CLCN1: variants seen among roughly 807,000 people sequenced by gnomAD.
CLCN1 encodes chloride voltage-gated channel 1, also known as chloride channel protein 1.
In CLCN1, 100 loss-of-function variants were observed where a neutral mutation model predicts 114.5. The ratio of observed to expected loss-of-function variants is 0.87; its 90% CI spans 0.74 to 1.03. CLCN1 has a LOEUF of 1.03. Among genes scored for constraint, CLCN1 ranks in the 50% least tolerant of loss-of-function variants. The probability of loss-of-function intolerance (pLI) is 0.00; values close to 1 mark genes in which losing one functional copy is unlikely to be tolerated. For synonymous variants in CLCN1, 485 were observed against 487.1 expected (o/e 1.00, Z 0.06); for missense variants, 1,188 against 1,250.0 (o/e 0.95, Z 0.75).
chr7:143,323,365 T>G lies in CLCN1; in HGVS notation c.753T>G (p.Ser251=). 1 of 1,613,498 alleles carries G rather than the reference T, an allele frequency of 6.2e-7. No homozygotes were observed. The highest frequency in any genetic ancestry group is 8.5e-7 in the Non-Finnish European group (1 of 1,179,514). The change falls in exon 6 of 23, where the codon TCT becomes TCG. Residue 251 remains serine, a synonymous_variant. Coordinates refer to ENST00000343257, the MANE Select transcript of CLCN1 (RefSeq NM_000083.3). ...ICAAVLSKFM[S]VFCGVYEQPY... ...CTGCTGTCCTCAGCAAATTCATGTC[T>G]GTGTTCTGCGGGGTATATGAGGTAA...
chr7:143,342,438 A>G lies in CLCN1; in HGVS notation c.1863A>G (p.Thr621=), dbSNP rs369099862. The change falls in exon 16 of 23, where the codon ACA becomes ACG. Residue 621 remains threonine (T), a synonymous_variant. Coordinates refer to ENST00000343257, the MANE Select transcript of CLCN1 (RefSeq NM_000083.3). ...RDVKFVSASY[T]YGELRTLLQT... The stretch of plus-strand genomic sequence containing the variant: ...TGAAGTTTGTTTCAGCTTCTTACAC[A>G]TATGGGGAGTTGCGAACCCTGCTCC... The G allele has an allele frequency of 5.0e-5, 80 of 1,613,992 alleles. No homozygotes were observed. The highest frequency in any genetic ancestry group is 5.7e-5 in the Non-Finnish European group (67 of 1,180,002).
intron 20 of CLCN1, 74 bp downstream of exon 20, chr7:143,347,023 C>T: frequency 1.6e-6 from 2 of 1,266,588 alleles, no homozygotes; most frequent in Non-Finnish European, 2.3e-6. Context: ...TTTCTACCTT[C>T]TTTATTGTGT....
chr7:143,346,989 T>C (rs1346625563), intron 20 of CLCN1, 40 bp downstream of exon 20: 2 of 1,542,928 alleles, frequency 1.3e-6, no homozygotes, highest in Admixed American at 1.7e-5. Flanking sequence ...GATTGTTCTA[T>C]CAAATGAAGA....
chr7:143,349,676 G>T (rs750554205), intron 20 of CLCN1, among the ~76,000 whole-genome samples: 4 of 152,204 alleles, frequency 2.6e-5, no homozygotes, highest in Admixed American at 6.5e-5. Flanking sequence ...ATGAGGTCCA[G>T]TATAGCTCTT....
At chr7:143,328,999 G>A (rs1481119667) in intron 7 of CLCN1, among the ~76,000 whole-genome samples, 1 of 137,314 alleles carries the variant, frequency 7.3e-6, no homozygotes, top group Non-Finnish European at 1.5e-5. Context: ...ATGGAGTCTT[G>A]CTCTGTCACC....
intron 22 of CLCN1, 25 bp from the exon 23 acceptor site, chr7:143,351,569 C>T: frequency 6.2e-7 from 1 of 1,613,362 alleles, no homozygotes; most frequent in Non-Finnish European, 8.5e-7. Context: ...TTTTTACCCT[C>T]TTTTCCTTTC....
rs769053787 is a variant in CLCN1 at position 143,351,820 on chromosome 7, C to T, written c.2822C>T (p.Ser941Phe). The T allele has an allele frequency of 2.0e-5, 33 of 1,613,980 alleles. No homozygotes were observed. The South Asian group carries it at 2.4e-4, about 12-fold the overall frequency. The change falls in exon 23 of 23, where the codon TCC becomes TTC. Residue 941 changes from serine (S) to phenylalanine (F), a missense_variant. By Grantham distance (155) the Ser-to-Phe change is radical (BLOSUM62 -2). Coordinates refer to ENST00000343257, the MANE Select transcript of CLCN1 (RefSeq NM_000083.3). ...VPSPSPEPPL[S>F]LAPGKVEGEL... is the part of the protein sequence containing the mutation. ...TCTCCTTCCCCAGAGCCCCCTCTCT[C>T]CCTGGCCCCAGGCAAGGTAGAGGGC...
intron 1 of CLCN1, 123 bp from the exon 2 acceptor site, chr7:143,319,632 C>A (rs1209881600): frequency 4.1e-6 from 4 of 981,020 alleles, no homozygotes; most frequent in Non-Finnish European, 4.9e-6. Flanking sequence ...ACCCTGCATG[C>A]AGTCAACACC....
chr7:143,328,578 C>T (rs563831434), intron 7 of CLCN1, among the ~76,000 whole-genome samples: 2 of 152,174 alleles, frequency 1.3e-5, no homozygotes, highest in East Asian at 3.9e-4. Flanking sequence ...CCCAGGATTT[C>T]AAAAAATTGT....
At position 143,339,369 on chromosome 7, in the gene CLCN1, A is replaced by G. The variant is rs1360561476; in HGVS notation, c.1471+47A>G. ...GGGGTCTGACTGAGAGTTGCAATCT[A>G]GGATACAGGAAACATAAGGAAAGGC... On this transcript the variant is annotated intron_variant, in intron 13 of 22. Coordinates refer to ENST00000343257, the MANE Select transcript of CLCN1 (RefSeq NM_000083.3). The surrounding 1 kb of genome is among the most constrained non-coding windows in gnomAD (Gnocchi z 4.1). 1.4e-6 allele frequency: 2 copies of G among 1,476,380 alleles called. No homozygotes were observed. Among genetic ancestry groups the G allele is most frequent in the Middle Eastern group, 1.7e-4 (1 of 5,770 alleles). 91.5% of individuals were successfully genotyped at this position (1,476,380 alleles called of 1,614,324 possible).
intron 5 of CLCN1, 61 bp from the exon 6 acceptor site, chr7:143,323,248 T>G: frequency 1.1e-6 from 1 of 878,330 alleles, no homozygotes. Flanking sequence ...ATTAGTCCAG[T>G]GAGTGCTGCA....
Position 143,321,274 on chromosome 7 carries a change from C to A in CLCN1, c.434-91C>A. 2 of 1,483,894 alleles carry A rather than the reference C, an allele frequency of 1.3e-6. No homozygotes were observed. Among genetic ancestry groups the A allele is most frequent in the Non-Finnish European group, 1.9e-6 (2 of 1,079,040 alleles). The allele number at this position is 1,483,894 out of a possible 1,614,324, so 91.9% of individuals were successfully genotyped here. A position where few individuals can be genotyped will look rare whatever the true frequency, so the allele number is the denominator to read the frequency against. On this transcript the variant is annotated intron_variant, in intron 3 of 22. Transcript: ENST00000343257. This position sits in a 1 kb window ranked among gnomAD's most constrained non-coding sequence, Gnocchi z 4.2. Reference sequence around the variant, plus strand: ...TCAGAAGGGGCACACAGAAGGAGCACGGCCTGAGAACATGCCGGGTACACG... The same window carrying A: ...TCAGAAGGGGCACACAGAAGGAGCAAGGCCTGAGAACATGCCGGGTACACG...
Position 143,332,425 on chromosome 7 carries a change from G to A in CLCN1, c.1173G>A (p.Leu391=). The change falls in exon 11 of 23, where the codon CTG becomes CTA. Residue 391 remains leucine, a synonymous_variant. Transcript: ENST00000343257. ...ALSQFLAKHR[L]LYPGIVTFVI... is the part of the protein sequence containing the mutation. ...AACTCTGTTTCTTTTTCAGCCGCCT[G>A]CTGTATCCTGGAATTGTTACCTTTG... The A allele has an allele frequency of 6.2e-7, 1 of 1,613,756 alleles. No homozygotes were observed. Among genetic ancestry groups the A allele is most frequent in the South Asian group, 1.1e-5 (1 of 91,074 alleles).
chr7:143,345,598 A>G lies in CLCN1; in HGVS notation c.2008A>G (p.Arg670Gly). The part of the protein sequence containing the change: ...LLQRHLCPER[R>G]LRAAQEMARK... Reference sequence around the variant, plus strand: ...GCAGCGCCACCTGTGTCCTGAGCGCAGGCTGCGCGCAGCCCAAGAGATGGC... The same window carrying G: ...GCAGCGCCACCTGTGTCCTGAGCGCGGGCTGCGCGCAGCCCAAGAGATGGC... The change falls in exon 17 of 23, where the codon AGG (arginine) becomes GGG (glycine). Residue 670 changes from arginine (R) to glycine (G), a missense_variant. Coordinates refer to ENST00000343257, the MANE Select transcript of CLCN1 (RefSeq NM_000083.3). The G allele has an allele frequency of 6.4e-7, 1 of 1,553,422 alleles. No individual in the cohort carries two copies. The highest frequency in any genetic ancestry group is 8.7e-7 in the Non-Finnish European group (1 of 1,148,610).
At chr7:143,328,490 A>G (rs1802635137) in intron 7 of CLCN1, among the ~76,000 whole-genome samples, 1 of 152,218 alleles carries the variant, frequency 6.6e-6, no homozygotes, top group Non-Finnish European at 1.5e-5. Context: ...TATTAAAATT[A>G]GCTCTCATTC....
chr7:143,339,600 C>G lies in CLCN1; in HGVS notation c.1561C>G (p.Pro521Ala). Residue 521 changes from proline (P) to alanine (A), a missense_variant, in exon 14 of 23, where the codon CCT becomes GCT. Pro to Ala is a conservative substitution (Grantham distance 27, BLOSUM62 -1). Transcript: ENST00000343257. This position sits in a 1 kb window ranked among gnomAD's most constrained non-coding sequence, Gnocchi z 4.1. The part of the protein sequence containing the change: ...LFDDIIYKIL[P>A]GGYAVIGAAA... Reference sequence around the variant, plus strand: ...TGATGACATCATCTACAAGATCCTACCTGGGGGCTATGCAGTAATTGGTGA... The same window carrying G: ...TGATGACATCATCTACAAGATCCTAGCTGGGGGCTATGCAGTAATTGGTGA... 1 of 1,609,824 alleles carries G rather than the reference C, an allele frequency of 6.2e-7. No homozygotes were observed. Among genetic ancestry groups the G allele is most frequent in the East Asian group, 2.2e-5 (1 of 44,868 alleles).
rs758767069 is a variant in CLCN1, at chr7:143,323,331, G to A, written c.719G>A (p.Ser240Asn). 52 of 1,613,436 alleles carry A rather than the reference G, an allele frequency of 3.2e-5. No homozygotes were observed. The South Asian group carries it at 4.0e-4, about 12-fold the overall frequency. The change falls in exon 6 of 23, where the codon AGC becomes AAC. Residue 240 changes from serine (S) to asparagine (N), a missense_variant. Physicochemically the swap from Ser to Asn is conservative, Grantham distance 46 (BLOSUM62 1). Transcript: ENST00000343257. The part of the protein sequence containing the change: ...GKEGPFVHIA[S>N]ICAAVLSKFM... ...CAGGGCCCCTTCGTCCACATTGCCA[G>A]CATCTGTGCTGCTGTCCTCAGCAAA...
rs547184431 is a variant in CLCN1, at chr7:143,320,776, C to T, written c.414C>T (p.Val138=). 1.9e-5 allele frequency: 31 copies of T among 1,614,000 alleles called. 1 individual carries two copies. The South Asian group carries it at 3.3e-4, about 17-fold the overall frequency. The change falls in exon 3 of 23, where the codon GTC becomes GTT. Residue 138 remains valine (V), a synonymous_variant. Coordinates refer to ENST00000343257, the MANE Select transcript of CLCN1 (RefSeq NM_000083.3). The part of the protein sequence containing the change: ...MALVSWSMDY[V]SAKSLQAYKW... ...TGGTCAGCTGGAGCATGGACTACGT[C>T]AGTGCCAAAAGCCTTCAGGGTAGGT...
chr7:143,320,631 T>C, intron 2 of CLCN1, 33 bp from the exon 3 acceptor site: 1 of 1,597,858 alleles, frequency 6.3e-7, no homozygotes, highest in Non-Finnish European at 8.6e-7. Context: ...GTTTGTTGTT[T>C]GTTTGTTTGT....
Sources: gnomAD v4.1 joint callset for allele counts (sites outside exome capture counted in the v4.1 genomes callset) on GRCh38, gnomAD v4.1.1 for gene constraint, Gnocchi (gnomAD v3.1) non-coding constraint, MANE v1.5 for transcripts, NCBI Gene and HGNC (gene_info 2026-07-23, HGNC 2026-07-21) for gene names.